Variants in CYRIB observed in about 807,000 individuals in gnomAD.
CYRIB encodes CYFIP-related Rac1 interactor B.
CYRIB carries 8 observed loss-of-function variants against 44.2 expected under a neutral mutation model. That is an observed-to-expected ratio of 0.18 (90% CI 0.11 to 0.33). The LOEUF (loss-of-function observed/expected upper bound fraction) is 0.33. Ranked by LOEUF, CYRIB falls within the 10% of genes least tolerant of loss-of-function variation. The pLI is 1.00. For missense variants in CYRIB, 185 were observed against 382.8 expected (o/e 0.48, Z 4.31); for synonymous variants, 131 against 127.2 (o/e 1.03, Z -0.20).
At chr8:129,956,092 T>C (rs1253269166) in intron 2 of CYRIB, among the ~76,000 whole-genome samples, 1 of 152,202 alleles carries the variant, frequency 6.6e-6, no homozygotes, top group Admixed American at 6.5e-5. Context: ...GTTTGAAAGA[T>C]ATGACCCTCT....
intron 2 of CYRIB, among the ~76,000 whole-genome samples, chr8:129,902,052 G>C (rs1002577012): frequency 6.6e-6 from 1 of 152,062 alleles, no homozygotes; most frequent in East Asian, 1.9e-4. Flanking sequence ...GGATTCATAG[G>C]CTTCATAAGA....
At position 129,918,436 on chromosome 8, in the gene CYRIB, G is replaced by A. The variant is rs557343992; in HGVS notation, c.-49-15086C>T. ...GAAAACAACAATCTTTATCCTGAAA[G>A]TAGTTAATGACTTCCTGTGGAAATA... On this transcript the variant is annotated intron_variant, in intron 1 of 11. Transcript: ENST00000519824. Among the ~76,000 whole-genome samples, 14 of 152,264 alleles carry A rather than the reference G, an allele frequency of 9.2e-5. No individual in the cohort carries two copies. The South Asian group carries it at 2.7e-3, about 29-fold the overall frequency.
chr8:129,902,581 ATC>A (rs1157967492), intron 2 of CYRIB, among the ~76,000 whole-genome samples: 1 of 152,140 alleles, frequency 6.6e-6, no homozygotes, highest in African/African-American at 2.4e-5. Context: ...CAGTGATGCA[ATC>A]TTGGCTCACT....
chr8:129,876,941 T>C (rs923807890), intron 3 of CYRIB, among the ~76,000 whole-genome samples: 2 of 152,230 alleles, frequency 1.3e-5, no homozygotes, highest in Non-Finnish European at 2.9e-5. Context: ...CAGATAACTA[T>C]GTTGGCAATT....
chr8:129,869,970 TG>T (rs1398854922), intron 4 of CYRIB, among the ~76,000 whole-genome samples: 1 of 132,636 alleles, frequency 7.5e-6, no homozygotes, highest in Non-Finnish European at 1.7e-5. Flanking sequence ...TAGGAGATTA[TG>T]GGGGGGTGGG....
intron 1 of CYRIB, among the ~76,000 whole-genome samples, chr8:129,994,711 A>G (rs569023388): frequency 3.7e-4 from 56 of 152,364 alleles, no homozygotes; most frequent in African/African-American, 1.3e-3. Flanking sequence ...AACAGAAATC[A>G]GCTATGACTA....
At chr8:129,984,717 A>G (rs948569172) in intron 1 of CYRIB, among the ~76,000 whole-genome samples, 1 of 152,062 alleles carries the variant, frequency 6.6e-6, no homozygotes, top group Non-Finnish European at 1.5e-5. Context: ...CCTCCTCAAA[A>G]TAGTCCTGGG....
chr8:129,888,282 C>T (rs1031800728), intron 2 of CYRIB, among the ~76,000 whole-genome samples: 4 of 152,174 alleles, frequency 2.6e-5, no homozygotes, highest in Non-Finnish European at 5.9e-5. Flanking sequence ...TCGCCTTCCG[C>T]CATTCAAGGT....
chr8:129,915,503 C>T (rs945843000), intron 1 of CYRIB, among the ~76,000 whole-genome samples: 1 of 151,968 alleles, frequency 6.6e-6, no homozygotes, highest in South Asian at 2.1e-4. Context: ...TTCTAGGAAA[C>T]GCAAACTAAT....
intron 1 of CYRIB, among the ~76,000 whole-genome samples, chr8:129,913,797 T>C (rs1283503080): frequency 6.6e-6 from 1 of 152,202 alleles, no homozygotes; most frequent in Non-Finnish European, 1.5e-5. Context: ...AATAAGAATA[T>C]GTCTAGCATT....
chr8:129,938,738 G>A (rs1478644224), intron 1 of CYRIB, among the ~76,000 whole-genome samples: 1 of 152,160 alleles, frequency 6.6e-6, no homozygotes, highest in Non-Finnish European at 1.5e-5. Context: ...ATCCAGAGGA[G>A]TAGAAAGAAT....
intron 1 of CYRIB, among the ~76,000 whole-genome samples, chr8:129,927,072 C>G (rs183880197): frequency 1.3e-5 from 2 of 152,042 alleles, no homozygotes; most frequent in East Asian, 1.9e-4. Flanking sequence ...CACTTGAGAT[C>G]AGGAGTTTGA....
chr8:129,887,324 G>T (rs142964608), intron 2 of CYRIB, among the ~76,000 whole-genome samples: 105 of 152,344 alleles, frequency 6.9e-4, no homozygotes, highest in African/African-American at 2.3e-3. Flanking sequence ...TAGGCCTGCA[G>T]GTGTGCAGAC....
intron 2 of CYRIB, among the ~76,000 whole-genome samples, chr8:129,896,480 C>T (rs1027078577): frequency 6.6e-6 from 1 of 152,236 alleles, no homozygotes; most frequent in Non-Finnish European, 1.5e-5. Flanking sequence ...CTCTTTACCA[C>T]CTCTGAGCTA....
At chr8:129,927,956 T>C (rs1322065855) in intron 1 of CYRIB, among the ~76,000 whole-genome samples, 1 of 152,018 alleles carries the variant, frequency 6.6e-6, no homozygotes, top group Non-Finnish European at 1.5e-5. Flanking sequence ...AGGCAAAAAG[T>C]TGAACTTAGT....
intron 4 of CYRIB, among the ~76,000 whole-genome samples, chr8:129,862,651 T>C (rs534726220): frequency 5.3e-5 from 8 of 152,154 alleles, no homozygotes; most frequent in Non-Finnish European, 1.2e-4. Flanking sequence ...TTTTTATTTT[T>C]AGTAGAGATG....
At chr8:129,932,471 C>A (rs1400882500) in intron 1 of CYRIB, among the ~76,000 whole-genome samples, 2 of 152,108 alleles carry the variant, frequency 1.3e-5, no homozygotes, top group Non-Finnish European at 2.9e-5. Flanking sequence ...GGGCTTCTCT[C>A]CAGTAAGAAA....
chr8:129,947,137 A>C (rs2094203373), intron 2 of CYRIB, among the ~76,000 whole-genome samples: 1 of 151,872 alleles, frequency 6.6e-6, no homozygotes, highest in South Asian at 2.1e-4. Context: ...GGCTCACTGC[A>C]ACCTCCACCT....
In CYRIB at chr8:129,863,486, T is replaced by C. The variant is rs373603401; in HGVS notation, c.196-1152A>G. On this transcript the variant is annotated intron_variant, in intron 4 of 11. Coordinates refer to ENST00000519824, the Ensembl canonical transcript of CYRIB. The stretch of plus-strand genomic sequence containing the variant: ...GCTGCAGTGAGCCGAGATCATGCCA[T>C]TGCCCTCTAGCCTGGGTGATAGAGC... Among the ~76,000 whole-genome samples the C allele has an allele frequency of 4.3e-4, 65 of 151,612 alleles. No homozygotes were observed. The East Asian group carries it at 7.6e-3, about 18-fold the overall frequency.
Sources: gnomAD v4.1 joint callset for allele counts (sites outside exome capture counted in the v4.1 genomes callset) on GRCh38, gnomAD v4.1.1 for gene constraint, MANE v1.5 for transcripts, NCBI Gene and HGNC (gene_info 2026-07-23, HGNC 2026-07-21) for gene names.